SUPT3H: variants seen among roughly 807,000 people sequenced by gnomAD.
The protein encoded by SUPT3H is SPT3 homolog, SAGA and STAGA complex component, also known as transcription initiation protein SPT3 homolog.
In SUPT3H, 44 loss-of-function variants were observed where a neutral mutation model predicts 44.3. That is an observed-to-expected ratio of 0.99 (90% CI 0.78 to 1.28). The LOEUF (loss-of-function observed/expected upper bound fraction) is 1.28. SUPT3H is among the 50% of genes most tolerant of loss of function. The probability of loss-of-function intolerance (pLI) is 0.00; values close to 1 mark genes in which losing one functional copy is unlikely to be tolerated. For missense variants in SUPT3H, 380 were observed against 387.1 expected (o/e 0.98, Z 0.15); for synonymous variants, 124 against 125.6 (o/e 0.99, Z 0.09).
At position 45,089,844 on chromosome 6, in the gene SUPT3H, T is replaced by G. The variant is rs1796920260; in HGVS notation, c.186+16078A>C. Among the ~76,000 whole-genome samples the G allele has an allele frequency of 3.9e-5, 6 of 152,050 alleles. No homozygotes were observed. The South Asian group carries it at 1.2e-3, about 31-fold the overall frequency. On this transcript the variant is annotated intron_variant, in intron 3 of 10. Coordinates refer to ENST00000371459, the MANE Select transcript of SUPT3H (RefSeq NM_003599.4). ...ACAGTTCGATATAAAATAGCCAGGT[T>G]ATTCTATCCACTTCACTTACTTTGC... is the stretch of plus-strand genomic sequence containing the variant.
At position 45,297,031 on chromosome 6, in the gene SUPT3H, T is replaced by C. The variant is rs897675940; in HGVS notation, c.101+68170A>G. Among the ~76,000 whole-genome samples, 78 of 148,292 alleles carry C rather than the reference T, an allele frequency of 5.3e-4. 1 individual carries two copies. Among genetic ancestry groups the C allele is most frequent in the African/African-American group, 1.7e-3 (70 of 40,232 alleles). ...AAATCACCACTAAAGAACTTATTCA[T>C]GTAACCAAACACCACCTGTACCCCA... On this transcript the variant is annotated intron_variant, in intron 2 of 10. Coordinates refer to ENST00000371459, the MANE Select transcript of SUPT3H (RefSeq NM_003599.4).
chr6:44,963,187 C>T (rs901942379), intron 6 of SUPT3H, among the ~76,000 whole-genome samples: 1 of 151,876 alleles, frequency 6.6e-6, no homozygotes, highest in Non-Finnish European at 1.5e-5. Context: ...TAAACATCTT[C>T]TTGTGCATGT....
At chr6:45,375,876 C>A (rs545661101) in intron 1 of SUPT3H, among the ~76,000 whole-genome samples, 18 of 149,736 alleles carry the variant, frequency 1.2e-4, no homozygotes, top group Non-Finnish European at 2.4e-4. Context: ...TTTTGTGAAA[C>A]ATCTATTACC....
chr6:45,227,049 A>T (rs9395082), intron 2 of SUPT3H, among the ~76,000 whole-genome samples: 1 of 149,306 alleles, frequency 6.7e-6, no homozygotes, highest in Non-Finnish European at 1.5e-5. Context: ...AGTAGAGAAA[A>T]GGTTTTGCTA....
At chr6:45,171,428 C>T (rs1810750644) in intron 2 of SUPT3H, among the ~76,000 whole-genome samples, 1 of 152,082 alleles carries the variant, frequency 6.6e-6, no homozygotes, top group Admixed American at 6.6e-5. Flanking sequence ...GAAATAAAGG[C>T]AATACCAACA....
intron 2 of SUPT3H, among the ~76,000 whole-genome samples, chr6:45,280,381 C>T (rs1483232198): frequency 6.6e-6 from 1 of 152,066 alleles, no homozygotes; most frequent in Non-Finnish European, 1.5e-5. Context: ...TAGCACATGC[C>T]TGTAATCCCA....
intron 10 of SUPT3H, among the ~76,000 whole-genome samples, chr6:44,918,658 C>T (rs140306464): frequency 2.6e-5 from 4 of 152,214 alleles, no homozygotes; most frequent in African/African-American, 9.6e-5. Context: ...AAAAGCTTAG[C>T]AGAAGGAACA....
At chr6:45,210,975 C>A (rs1033272839) in intron 2 of SUPT3H, among the ~76,000 whole-genome samples, 1 of 152,148 alleles carries the variant, frequency 6.6e-6, no homozygotes, top group East Asian at 1.9e-4. Flanking sequence ...CTGAACAAGC[C>A]TCTTTCAAGC....
At chr6:45,097,645 T>C (rs1046069704) in intron 3 of SUPT3H, 2 of 152,198 alleles carry the variant, frequency 1.3e-5, no homozygotes, top group Non-Finnish European at 2.9e-5. Context: ...TCCCCAAAGG[T>C]TCCTGCTATG....
At chr6:45,237,907 C>A (rs1347522503) in intron 2 of SUPT3H, among the ~76,000 whole-genome samples, 1 of 152,166 alleles carries the variant, frequency 6.6e-6, no homozygotes, top group Non-Finnish European at 1.5e-5. Flanking sequence ...TTGCCTTCTC[C>A]TGCTATGATT....
chr6:45,280,352 A>C (rs1777793939), intron 2 of SUPT3H, among the ~76,000 whole-genome samples: 1 of 152,110 alleles, frequency 6.6e-6, no homozygotes, highest in Non-Finnish European at 1.5e-5. Context: ...AAATACAAAA[A>C]AAAGTTAGCC....
chr6:45,356,904 A>C (rs2150225312), intron 2 of SUPT3H, among the ~76,000 whole-genome samples: 1 of 152,314 alleles, frequency 6.6e-6, no homozygotes, highest in Non-Finnish European at 1.5e-5. Flanking sequence ...AATTTACAGA[A>C]TTTACTGTAA....
chr6:45,105,850 A>G lies in SUPT3H; in HGVS notation c.186+72T>C, dbSNP rs903259081. On this transcript the variant is annotated intron_variant, in intron 3 of 10. Coordinates refer to ENST00000371459, the MANE Select transcript of SUPT3H (RefSeq NM_003599.4). ...TTCCAGCTGTAAATAAAATGTTTTT[A>G]AAGTGTTGGGTTACCATCCTAATAA... 2.2e-5 allele frequency: 26 copies of G among 1,176,882 alleles called. No individual in the cohort carries two copies. The African/African-American group carries it at 3.7e-4, about 17-fold the overall frequency. 72.9% of individuals were successfully genotyped at this position (1,176,882 alleles called of 1,614,324 possible). A position where few individuals can be genotyped will look rare whatever the true frequency, so the allele number is the denominator to read the frequency against.
intron 3 of SUPT3H, among the ~76,000 whole-genome samples, chr6:45,073,604 A>T (rs956225124): frequency 6.6e-6 from 1 of 152,040 alleles, no homozygotes; most frequent in African/African-American, 2.4e-5. Flanking sequence ...TTTTATATAG[A>T]ATAGTCACTA....
At chr6:44,866,192 A>C (rs529413707) in intron 10 of SUPT3H, among the ~76,000 whole-genome samples, 4 of 150,470 alleles carry the variant, frequency 2.7e-5, no homozygotes, top group South Asian at 2.1e-4. Flanking sequence ...AGAGTGAATA[A>C]CTTTTGTATG....
At chr6:45,119,350 C>G (rs1192090654) in intron 2 of SUPT3H, among the ~76,000 whole-genome samples, 1 of 152,060 alleles carries the variant, frequency 6.6e-6, no homozygotes, top group East Asian at 1.9e-4. Context: ...TTCTGAGCAC[C>G]TAAGAAGATG....
At chr6:44,825,824 G>GA (rs982556031), downstream of SUPT3H, among the ~76,000 whole-genome samples, 7 of 151,654 alleles carry the variant, frequency 4.6e-5, no homozygotes, top group South Asian at 2.1e-4. Flanking sequence ...ACCCTCCTTT[G>GA]AAAAAAATGA....
At chr6:45,076,833 A>C (rs1795065047) in intron 3 of SUPT3H, among the ~76,000 whole-genome samples, 1 of 152,152 alleles carries the variant, frequency 6.6e-6, no homozygotes, top group African/African-American at 2.4e-5. Flanking sequence ...GCCCCCTAGA[A>C]ATGGCCTCCT....
intron 3 of SUPT3H, among the ~76,000 whole-genome samples, chr6:45,025,854 G>A (rs994108992): frequency 2.7e-5 from 4 of 147,006 alleles, no homozygotes; most frequent in Non-Finnish European, 3.0e-5. Flanking sequence ...CTGCACTCTC[G>A]CCTGGATGAC....
Sources: gnomAD v4.1 joint callset for allele counts (sites outside exome capture counted in the v4.1 genomes callset) on GRCh38, gnomAD v4.1.1 for gene constraint, MANE v1.5 for transcripts, NCBI Gene and HGNC (gene_info 2026-07-23, HGNC 2026-07-21) for gene names.